The following PTPRD variants were observed in gnomAD, a reference collection of about 807,000 sequenced individuals.
PTPRD encodes receptor-type tyrosine-protein phosphatase delta.
PTPRD carries 34 observed loss-of-function variants against 214.5 expected under a neutral mutation model. That is an observed-to-expected ratio of 0.16 (90% CI 0.12 to 0.21). The LOEUF is 0.21. Ranked by LOEUF, PTPRD falls within the 10% of genes least tolerant of loss-of-function variation. The pLI is 1.00. For synonymous variants in PTPRD, 1,128 were observed against 845.7 expected (o/e 1.33, Z -5.79); for missense variants, 2,545 against 2,398.7 (o/e 1.06, Z -1.27).
intron 13 of PTPRD, among the ~76,000 whole-genome samples, chr9:8,636,393 A>G (rs923460213): frequency 4.6e-5 from 7 of 152,150 alleles, no homozygotes; most frequent in African/African-American, 1.7e-4. Flanking sequence ...AAGCTTTCAT[A>G]CATCCTACAG....
chr9:10,028,226 T>C (rs926286262), intron 4 of PTPRD, among the ~76,000 whole-genome samples: 1 of 152,240 alleles, frequency 6.6e-6, no homozygotes, highest in South Asian at 2.1e-4. Context: ...CCTTCTGCCA[T>C]GATCGTGAGG....
intron 3 of PTPRD, among the ~76,000 whole-genome samples, chr9:10,072,012 G>T (rs747962143): frequency 5.9e-5 from 9 of 151,662 alleles, no homozygotes; most frequent in Non-Finnish European, 1.2e-4. Context: ...GAAAAAATTG[G>T]TAAGGTTTAC....
chr9:9,652,330 C>A (rs1025356270), intron 7 of PTPRD, among the ~76,000 whole-genome samples: 5 of 152,144 alleles, frequency 3.3e-5, no homozygotes, highest in Non-Finnish European at 7.4e-5. Context: ...TAATCTGAGA[C>A]AAAGTTTCTG....
chr9:9,611,076 C>T (rs60214844), intron 7 of PTPRD, among the ~76,000 whole-genome samples: 37,717 of 152,002 alleles, frequency 0.25, 4,930 homozygotes, highest in Non-Finnish European at 0.28. Flanking sequence ...TTGTAAACAT[C>T]GTCCTCTATC....
chr9:9,821,168 C>T (rs79358527), intron 5 of PTPRD, among the ~76,000 whole-genome samples: 1,809 of 152,076 alleles, frequency 0.012, 25 homozygotes, highest in African/African-American at 0.04. Context: ...TGTGTGTATA[C>T]GTGGCTACTA....
chr9:8,816,632 A>G (rs1184182479), intron 11 of PTPRD, among the ~76,000 whole-genome samples: 1 of 152,234 alleles, frequency 6.6e-6, no homozygotes, highest in Non-Finnish European at 1.5e-5. Flanking sequence ...TAGAAAGTAT[A>G]ACTCAACTAA....
At chr9:10,529,663 C>T (rs1005080503) in intron 2 of PTPRD, among the ~76,000 whole-genome samples, 5 of 151,298 alleles carry the variant, frequency 3.3e-5, no homozygotes, top group Admixed American at 2.6e-4. Context: ...CACATATATA[C>T]GTATGTAACA....
Position 8,436,168 on chromosome 9 carries a change from A to G in PTPRD, c.4086+424T>C, listed in dbSNP as rs2095339900. On this transcript the variant is annotated intron_variant, in intron 35 of 45. Coordinates refer to ENST00000381196, the MANE Select transcript of PTPRD (RefSeq NM_002839.4). Reference sequence around the variant, plus strand: ...AAAGAAGTCAAACTCATAGCAGTAGATAATAGAGTGGTGATTACCAATGGA... The same window carrying G: ...AAAGAAGTCAAACTCATAGCAGTAGGTAATAGAGTGGTGATTACCAATGGA... Among the ~76,000 whole-genome samples the G allele has an allele frequency of 4.6e-5, 7 of 152,250 alleles. No homozygotes were observed. In the South Asian group the frequency reaches 1.5e-3, roughly 32 times the overall value.
chr9:8,955,118 G>A (rs2099124221), intron 11 of PTPRD, among the ~76,000 whole-genome samples: 1 of 151,904 alleles, frequency 6.6e-6, no homozygotes, highest in Non-Finnish European at 1.5e-5. Context: ...GGAAGAGAGA[G>A]AGCTGAAGTG....
At chr9:8,461,414 A>C (rs770077843) in intron 32 of PTPRD, among the ~76,000 whole-genome samples, 18 of 152,016 alleles carry the variant, frequency 1.2e-4, no homozygotes, top group Non-Finnish European at 2.1e-4. Flanking sequence ...TTTTATTTCT[A>C]TGATATCCGA....
chr9:9,043,581 G>A (rs1307808774), intron 10 of PTPRD, among the ~76,000 whole-genome samples: 2 of 152,086 alleles, frequency 1.3e-5, no homozygotes, highest in South Asian at 2.1e-4. Flanking sequence ...GACTTTGAAT[G>A]CCTTAGAAAA....
chr9:8,988,321 T>A (rs541335093), intron 11 of PTPRD, among the ~76,000 whole-genome samples: 1 of 152,242 alleles, frequency 6.6e-6, no homozygotes, highest in Admixed American at 6.6e-5. Flanking sequence ...TTAAGATGTT[T>A]AAATAAAGAA....
intron 8 of PTPRD, among the ~76,000 whole-genome samples, chr9:9,508,519 T>C (rs1372314167): frequency 1.3e-5 from 2 of 151,732 alleles, no homozygotes; most frequent in Non-Finnish European, 3.0e-5. Context: ...CATAATCTAC[T>C]TTCCGAGCTT....
intron 2 of PTPRD, among the ~76,000 whole-genome samples, chr9:10,528,762 T>G (rs970164291): frequency 2.0e-5 from 3 of 152,180 alleles, no homozygotes; most frequent in Admixed American, 1.3e-4. Context: ...TAACTGTGAG[T>G]GTCTTTAAAT....
intron 7 of PTPRD, among the ~76,000 whole-genome samples, chr9:9,702,815 C>A (rs1452749139): frequency 6.6e-6 from 1 of 152,044 alleles, no homozygotes; most frequent in East Asian, 1.9e-4. Flanking sequence ...ATGGTAAGAT[C>A]TAAAACAAGA....
intron 4 of PTPRD, among the ~76,000 whole-genome samples, chr9:10,010,442 T>G (rs994518050): frequency 6.6e-6 from 1 of 151,698 alleles, no homozygotes; most frequent in African/African-American, 2.4e-5. Context: ...TAATTTAATT[T>G]AACTTTTGGT....
intron 11 of PTPRD, among the ~76,000 whole-genome samples, chr9:8,855,007 G>A (rs373866097): frequency 2.6e-5 from 4 of 152,116 alleles, no homozygotes; most frequent in Admixed American, 2.6e-4. Flanking sequence ...AAATCATAGT[G>A]CCAGAGAAGC....
At chr9:10,139,714 A>T (rs2154265812) in intron 3 of PTPRD, among the ~76,000 whole-genome samples, 1 of 152,214 alleles carries the variant, frequency 6.6e-6, no homozygotes, top group African/African-American at 2.4e-5. Context: ...GGAACAGAAT[A>T]GAAATTACAT....
intron 11 of PTPRD, among the ~76,000 whole-genome samples, chr9:8,799,635 G>C (rs568659901): frequency 6.6e-6 from 1 of 152,274 alleles, no homozygotes; most frequent in South Asian, 2.1e-4. Flanking sequence ...GAAAACTCCA[G>C]CTGCCCTTTC....
Sources: allele counts gnomAD v4.1 joint callset (sites outside exome capture counted in the v4.1 genomes callset), GRCh38; gene constraint gnomAD v4.1.1; transcripts MANE v1.5; gene names NCBI Gene and HGNC (gene_info 2026-07-23, HGNC 2026-07-21).